The following RBBP4 variants were observed in gnomAD, a reference collection of about 807,000 sequenced individuals.
The protein encoded by RBBP4 is histone-binding protein RBBP4.
RBBP4 carries 3 observed loss-of-function variants against 57.2 expected under a neutral mutation model. The ratio of observed to expected loss-of-function variants is 0.05; its 90% CI spans 0.02 to 0.14. The LOEUF (loss-of-function observed/expected upper bound fraction) is 0.14, where lower values mean the gene tolerates loss of function less well. Ranked by LOEUF, RBBP4 falls within the 10% of genes least tolerant of loss-of-function variation. The pLI is 1.00. For synonymous variants in RBBP4, 151 were observed against 171.5 expected (o/e 0.88, Z 0.93); for missense variants, 107 against 520.6 (o/e 0.21, Z 7.73).
In RBBP4 at chr1:32,651,330, T is replaced by C; in HGVS notation, c.16+8T>C. 3.4e-6 allele frequency: 5 copies of C among 1,456,058 alleles called. No individual in the cohort carries two copies. The South Asian group carries it at 6.9e-5, about 20-fold the overall frequency. 90.2% of individuals were successfully genotyped at this position (1,456,058 alleles called of 1,614,324 possible). Reference sequence around the variant, plus strand: ...CCATGGCCGACAAGGAAGGTGAGGGTGCCGGGGCCGACCCAGGAGGGCAGT... The same window carrying C: ...CCATGGCCGACAAGGAAGGTGAGGGCGCCGGGGCCGACCCAGGAGGGCAGT... On this transcript the variant is annotated splice_region_variant and intron_variant, in intron 1 of 11. Coordinates refer to ENST00000373493, the MANE Select transcript of RBBP4 (RefSeq NM_005610.3).
chr1:32,662,725 G>A lies in RBBP4; in HGVS notation c.310+5153G>A, dbSNP rs942850587. Among the ~76,000 whole-genome samples the A allele has an allele frequency of 3.3e-5, 5 of 151,854 alleles. 1 individual carries two copies. In the South Asian group the frequency reaches 6.3e-4, roughly 19 times the overall value. On this transcript the variant is annotated intron_variant, in intron 3 of 11. Coordinates refer to ENST00000373493, the MANE Select transcript of RBBP4 (RefSeq NM_005610.3). The stretch of plus-strand genomic sequence containing the variant: ...TCTCAGCCCAGGCGCAGTGGCTGGC[G>A]ACTGTAATTCCAGCACTTGGGAGGC...
intron 11 of RBBP4, among the ~76,000 whole-genome samples, chr1:32,678,379 A>C (rs1010560858): frequency 4.6e-5 from 7 of 151,750 alleles, no homozygotes; most frequent in Non-Finnish European, 7.4e-5. Context: ...GGCGCCTGTC[A>C]CCACGCCTGG....
chr1:32,684,532 T>G lies in RBBP4; in HGVS notation c.*4827T>G, dbSNP rs1649684134. 2 of 1,175,488 alleles carry G rather than the reference T, an allele frequency of 1.7e-6. No individual in the cohort carries two copies. The highest frequency in any genetic ancestry group is 1.5e-5 in the African/African-American group (1 of 64,922). The allele number at this position is 1,175,488 out of a possible 1,614,324, so 72.8% of individuals were successfully genotyped here. ...TTATATGATAGGTTATGAAACAGGT[T>G]CAAAGAAGTTGTGTCTTGGAAAAAA... On this transcript the variant is annotated 3_prime_UTR_variant, in exon 12 of 12. Transcript: ENST00000373493.
At chr1:32,678,747 A>G (rs1649239509) in intron 11 of RBBP4, among the ~76,000 whole-genome samples, 1 of 151,334 alleles carries the variant, frequency 6.6e-6, no homozygotes, top group Non-Finnish European at 1.5e-5. Context: ...GCACCCCCAC[A>G]CATGGCTGAT....
chr1:32,682,161 C>T lies in RBBP4; in HGVS notation c.*2456C>T. 5.4e-6 allele frequency: 2 copies of T among 371,986 alleles called. No individual in the cohort carries two copies. Among genetic ancestry groups the T allele is most frequent in the Non-Finnish European group, 9.9e-6 (2 of 201,458 alleles). The allele number at this position is 371,986 out of a possible 1,614,324, so 23.0% of individuals were successfully genotyped here. A position where few individuals can be genotyped will look rare whatever the true frequency, so the allele number is the denominator to read the frequency against. The stretch of plus-strand genomic sequence containing the variant: ...TTTTCCAGATTGTACACAATCTGAT[C>T]AACACAAAGGTAGTTAGTAGATCAT... On this transcript the variant is annotated 3_prime_UTR_variant, in exon 12 of 12. Transcript: ENST00000373493.
intron 2 of RBBP4, 112 bp downstream of exon 2, chr1:32,652,173 T>G: frequency 7.8e-7 from 1 of 1,274,194 alleles, no homozygotes; most frequent in Non-Finnish European, 1.1e-6. Flanking sequence ...GATCAAAACC[T>G]CTTGGTGACA....
chr1:32,668,433 C>T, intron 4 of RBBP4, 35 bp downstream of exon 4: 2 of 1,525,148 alleles, frequency 1.3e-6, no homozygotes, highest in Non-Finnish European at 1.8e-6. Flanking sequence ...ACAAATGAGT[C>T]ACTATAGAAA....
At chr1:32,679,133 T>C (rs1451469135) in intron 11 of RBBP4, among the ~76,000 whole-genome samples, 8 of 151,892 alleles carry the variant, frequency 5.3e-5, no homozygotes, top group Admixed American at 3.9e-4. Flanking sequence ...CCCATCTCTA[T>C]TAAAAATACA....
At chr1:32,653,166 T>C (rs964407762) in intron 2 of RBBP4, among the ~76,000 whole-genome samples, 1 of 152,260 alleles carries the variant, frequency 6.6e-6, no homozygotes, top group Non-Finnish European at 1.5e-5. Context: ...AAATTAGTTA[T>C]AATTAGCATA....
In RBBP4 at chr1:32,672,554, A is replaced by C. The variant is rs768983534; in HGVS notation, c.1043+28A>C. 11 of 1,594,808 alleles carry C rather than the reference A, an allele frequency of 6.9e-6. No individual in the cohort carries two copies. The African/African-American group carries it at 1.5e-4, about 21-fold the overall frequency. On this transcript the variant is annotated intron_variant, in intron 9 of 11. Transcript: ENST00000373493. ...AATTCTTGTATTCATTCCTCTCTCT[A>C]CATAATTATTTCCTTTATTTACACT...
At chr1:32,652,260 G>A in intron 2 of RBBP4, 199 bp downstream of exon 2, 1 of 594,712 alleles carries the variant, frequency 1.7e-6, no homozygotes, top group Non-Finnish European at 2.9e-6. Context: ...ACATATTGGC[G>A]TTTTTTTCTC....
intron 4 of RBBP4, 83 bp downstream of exon 4, chr1:32,668,481 A>T: frequency 7.6e-7 from 1 of 1,324,292 alleles, no homozygotes; most frequent in Non-Finnish European, 1.1e-6. Flanking sequence ...ATTGCATGTT[A>T]CTCTGTGTAA....
chr1:32,653,301 T>C (rs1347109740), intron 2 of RBBP4, among the ~76,000 whole-genome samples: 1 of 152,204 alleles, frequency 6.6e-6, no homozygotes, highest in African/African-American at 2.4e-5. Context: ...AACATAGTTT[T>C]AACAAGACCA....
At chr1:32,656,578 C>T (rs1370699678) in intron 2 of RBBP4, among the ~76,000 whole-genome samples, 1 of 152,168 alleles carries the variant, frequency 6.6e-6, no homozygotes, top group Non-Finnish European at 1.5e-5. Flanking sequence ...TCTCGAATTC[C>T]TGACCTCAAT....
chr1:32,661,774 A>G (rs1019714894), intron 3 of RBBP4, among the ~76,000 whole-genome samples: 1 of 111,926 alleles, frequency 8.9e-6, no homozygotes, highest in Non-Finnish European at 1.8e-5. Flanking sequence ...TTTGATTTGC[A>G]TTTTTCTGAT....
chr1:32,670,705 T>A (rs1648838140), intron 8 of RBBP4, among the ~76,000 whole-genome samples: 1 of 152,202 alleles, frequency 6.6e-6, no homozygotes, highest in Non-Finnish European at 1.5e-5. Context: ...CCCAAAGTGC[T>A]GGGATTACAG....
At chr1:32,670,595 G>A (rs1312749506) in intron 8 of RBBP4, among the ~76,000 whole-genome samples, 1 of 151,466 alleles carries the variant, frequency 6.6e-6, no homozygotes, top group Non-Finnish European at 1.5e-5. Context: ...TTTTTGAGAC[G>A]GCATTTTGCT....
intron 3 of RBBP4, among the ~76,000 whole-genome samples, chr1:32,666,815 A>C (rs1006274982): frequency 2.0e-5 from 3 of 152,222 alleles, no homozygotes; most frequent in African/African-American, 7.2e-5. Flanking sequence ...GATCATGGAC[A>C]TTATCAATCA....
At position 32,684,061 on chromosome 1, in the gene RBBP4, G is replaced by C. The variant is rs543160863; in HGVS notation, c.*4356G>C. 1.2e-5 allele frequency: 19 copies of C among 1,614,108 alleles called. No individual in the cohort carries two copies. The highest frequency in any genetic ancestry group is 1.6e-5 in the Non-Finnish European group (19 of 1,180,052). ...GCCTGAGAAGTGGGAGCATCAGCCT[G>C]TTCCAGGCTCTTGGGTAGTAGCATA... is the stretch of plus-strand genomic sequence containing the variant. On this transcript the variant is annotated 3_prime_UTR_variant, in exon 12 of 12. Coordinates refer to ENST00000373493, the MANE Select transcript of RBBP4 (RefSeq NM_005610.3).
Sources: gnomAD v4.1 joint callset for allele counts (sites outside exome capture counted in the v4.1 genomes callset) on GRCh38, gnomAD v4.1.1 for gene constraint, MANE v1.5 for transcripts, NCBI Gene and HGNC (gene_info 2026-07-23, HGNC 2026-07-21) for gene names.